SEMA3C: variants seen among roughly 807,000 people sequenced by gnomAD.
SEMA3C encodes semaphorin-3C.
A neutral mutation model predicts 89.4 loss-of-function variants in SEMA3C; 47 were observed. The ratio of observed to expected loss-of-function variants is 0.53; its 90% CI spans 0.42 to 0.67. The LOEUF (loss-of-function observed/expected upper bound fraction) is 0.67, where lower values mean the gene tolerates loss of function less well. Ranked by LOEUF, SEMA3C falls within the 30% of genes least tolerant of loss-of-function variation. The probability of loss-of-function intolerance (pLI) is 0.00; values close to 1 mark genes in which losing one functional copy is unlikely to be tolerated. For missense variants in SEMA3C, 839 were observed against 929.1 expected (o/e 0.90, Z 1.26); for synonymous variants, 310 against 320.2 (o/e 0.97, Z 0.34).
intron 10 of SEMA3C, among the ~76,000 whole-genome samples, chr7:80,799,766 A>G (rs1789152992): frequency 6.6e-6 from 1 of 152,024 alleles, no homozygotes; most frequent in Non-Finnish European, 1.5e-5. Context: ...AGGCAGAAGA[A>G]CTGTTTGAAT....
intron 12 of SEMA3C, among the ~76,000 whole-genome samples, chr7:80,788,269 C>G (rs1011798016): frequency 6.6e-6 from 1 of 152,122 alleles, no homozygotes; most frequent in African/African-American, 2.4e-5. Flanking sequence ...AAGATTACAA[C>G]AAGACGTTAT....
intron 2 of SEMA3C, among the ~76,000 whole-genome samples, chr7:80,842,255 G>T (rs184701655): frequency 3.8e-4 from 58 of 152,238 alleles, no homozygotes; most frequent in Non-Finnish European, 6.0e-4. Flanking sequence ...GTATATCCAA[G>T]ACATTTCTCT....
At position 80,789,862 on chromosome 7, in the gene SEMA3C, A is replaced by G. The variant is rs559036811; in HGVS notation, c.1132-334T>C. ...CCAGACACCATTTTGTTCAGAAAAC[A>G]AAAACTAGTGGACACAATCTAATGC... On this transcript the variant is annotated intron_variant, in intron 11 of 17. Coordinates refer to ENST00000265361, the MANE Select transcript of SEMA3C (RefSeq NM_006379.5). Among the ~76,000 whole-genome samples the G allele has an allele frequency of 4.6e-5, 7 of 152,334 alleles. No homozygotes were observed. In the South Asian group the frequency reaches 1.4e-3, roughly 32 times the overall value.
chr7:80,900,792 T>C (rs901871116), intron 2 of SEMA3C, among the ~76,000 whole-genome samples: 2 of 151,754 alleles, frequency 1.3e-5, no homozygotes, highest in Admixed American at 6.5e-5. Context: ...ATATAACAAA[T>C]GAATCACTTT....
At chr7:80,797,960 T>C in intron 11 of SEMA3C, 132 bp downstream of exon 11, 1 of 837,212 alleles carries the variant, frequency 1.2e-6, no homozygotes, top group South Asian at 2.0e-5. Context: ...ATTGCACCAC[T>C]ACATTCCACC....
Position 80,745,070 on chromosome 7 carries a change from T to A in SEMA3C, c.2080A>T (p.Met694Leu), listed in dbSNP as rs769335808. 2.5e-6 allele frequency: 4 copies of A among 1,614,100 alleles called. No homozygotes were observed. Among genetic ancestry groups the A allele is most frequent in the Non-Finnish European group, 1.7e-6 (2 of 1,179,992 alleles). The part of the protein sequence containing the change: ...RALPFHPKDI[M>L]GAFSHSEMQM... ...ATTTCTGAGTGGCTGAATGCCCCCA[T>A]GATGTCCTTCGGGTGGAAGGGTAAA... The change falls in exon 18 of 18, where the codon ATG (methionine) becomes TTG (leucine). Residue 694 changes from methionine to leucine, a missense_variant. By Grantham distance (15) the Met-to-Leu change is conservative (BLOSUM62 2). Transcript: ENST00000265361.
At chr7:80,877,652 A>G (rs1293781031) in intron 2 of SEMA3C, among the ~76,000 whole-genome samples, 2 of 152,220 alleles carry the variant, frequency 1.3e-5, no homozygotes, top group Non-Finnish European at 2.9e-5. Context: ...AAGAAAATAC[A>G]TTCACCTGGT....
intron 5 of SEMA3C, among the ~76,000 whole-genome samples, chr7:80,817,802 T>C (rs977467402): frequency 6.6e-6 from 1 of 152,252 alleles, no homozygotes; most frequent in Middle Eastern, 3.4e-3. Flanking sequence ...TCCCACTTTA[T>C]ACATCTTTTA....
At chr7:80,899,847 A>C (rs1048577278) in intron 2 of SEMA3C, among the ~76,000 whole-genome samples, 1 of 152,190 alleles carries the variant, frequency 6.6e-6, no homozygotes, top group African/African-American at 2.4e-5. Flanking sequence ...ATCCTTTTCT[A>C]GGCTAGTGAC....
intron 2 of SEMA3C, among the ~76,000 whole-genome samples, chr7:80,873,280 G>T (rs1382279417): frequency 6.6e-6 from 1 of 152,216 alleles, no homozygotes; most frequent in Non-Finnish European, 1.5e-5. Context: ...GGCACAGCCA[G>T]ACTGTGCAGG....
intron 17 of SEMA3C, 70 bp downstream of exon 17, chr7:80,748,828 T>A: frequency 1.4e-6 from 2 of 1,460,658 alleles, no homozygotes; most frequent in Admixed American, 4.6e-5. Flanking sequence ...GATCTGAGCC[T>A]CGCTGAGGGA....
rs563730315 is a variant in SEMA3C at position 80,744,865 on chromosome 7, T to G, written c.*29A>C. On this transcript the variant is annotated 3_prime_UTR_variant, in exon 18 of 18. Coordinates refer to ENST00000265361, the MANE Select transcript of SEMA3C (RefSeq NM_006379.5). ...TCATTGAAGACAGAGCATTTGTTAA[T>G]GGAAGCATAAGACCCACATAAGAAA... 1.7e-5 allele frequency: 27 copies of G among 1,611,728 alleles called. No individual in the cohort carries two copies. In the African/African-American group the frequency reaches 3.5e-4, roughly 21 times the overall value.
chr7:80,900,539 C>G (rs1195268093), intron 2 of SEMA3C, among the ~76,000 whole-genome samples: 1 of 152,104 alleles, frequency 6.6e-6, no homozygotes, highest in African/African-American at 2.4e-5. Flanking sequence ...GCCTAGTAAA[C>G]AGTTGAGGAA....
At chr7:80,908,760 A>G (rs76737144) in intron 2 of SEMA3C, among the ~76,000 whole-genome samples, 7,412 of 152,130 alleles carry the variant, frequency 0.049, 494 homozygotes, top group East Asian at 0.15. Context: ...GCTCAAATTC[A>G]CAAGTCACCA....
intron 2 of SEMA3C, among the ~76,000 whole-genome samples, chr7:80,864,467 A>G (rs10954383): frequency 0.14 from 21,460 of 152,122 alleles, 2,536 homozygotes; most frequent in African/African-American, 0.32. Flanking sequence ...TTTATTCAAT[A>G]TTTAACTTAA....
chr7:80,751,763 T>G (rs1353165759), intron 15 of SEMA3C, among the ~76,000 whole-genome samples: 1 of 152,222 alleles, frequency 6.6e-6, no homozygotes, highest in Non-Finnish European at 1.5e-5. Context: ...ACTTGTTTCT[T>G]ACAAAAGTCA....
intron 2 of SEMA3C, among the ~76,000 whole-genome samples, chr7:80,893,826 C>A (rs979164832): frequency 3.3e-5 from 5 of 151,878 alleles, no homozygotes; most frequent in Admixed American, 1.3e-4. Flanking sequence ...AAAGAAAAAC[C>A]AACCTATAAA....
chr7:80,907,771 C>A (rs1208564383), intron 2 of SEMA3C, among the ~76,000 whole-genome samples: 1 of 151,910 alleles, frequency 6.6e-6, no homozygotes, highest in Non-Finnish European at 1.5e-5. Flanking sequence ...CTTTTCAAAT[C>A]AAGGGGTAAT....
At position 80,828,653 on chromosome 7, in the gene SEMA3C, T is replaced by G; in HGVS notation, c.196A>C (p.Ile66Leu). The G allele has an allele frequency of 6.2e-7, 1 of 1,612,350 alleles. No individual in the cohort carries two copies. Among genetic ancestry groups the G allele is most frequent in the South Asian group, 1.1e-5 (1 of 90,942 alleles). Residue 66 changes from isoleucine (I) to leucine (L), a missense_variant, in exon 3 of 18, where the codon ATA (isoleucine) becomes CTA (leucine). Ile to Leu is a conservative substitution (Grantham distance 5). Transcript: ENST00000265361. ...ILLMDEDQDR[I>L]YVGSKDHILS... Reference sequence around the variant, plus strand: ...ATGTGATCTTTGCTTCCCACATATATCCGGTCCTGATCTTCATCCATTAAT... The same window carrying G: ...ATGTGATCTTTGCTTCCCACATATAGCCGGTCCTGATCTTCATCCATTAAT...
Sources: gnomAD v4.1 joint callset for allele counts (sites outside exome capture counted in the v4.1 genomes callset) on GRCh38, gnomAD v4.1.1 for gene constraint, MANE v1.5 for transcripts, NCBI Gene and HGNC (gene_info 2026-07-23, HGNC 2026-07-21) for gene names.